The following VPS13B variants were observed in gnomAD, a reference collection of about 807,000 sequenced individuals.
VPS13B encodes vacuolar protein sorting 13 homolog B.
Under a neutral mutation model 426.4 loss-of-function variants are expected in VPS13B, and 285 were observed. The observed-to-expected ratio is 0.67, with a 90% CI of 0.61 to 0.74. VPS13B has a LOEUF of 0.74. Ranked by LOEUF, VPS13B falls within the 30% of genes least tolerant of loss-of-function variation. The pLI, the probability that VPS13B is intolerant of heterozygous loss-of-function variation, is 0.00. For missense variants in VPS13B, 4,537 were observed against 4,782.6 expected, an observed-to-expected ratio of 0.95 and a Z score of 1.51; for synonymous variants, 1,676 against 1,676.4, an observed-to-expected ratio of 1.00 and a Z score of 0.01.
At chr8:99,660,431 G>A (rs1247889278) in intron 34 of VPS13B, among the ~76,000 whole-genome samples, 1 of 151,996 alleles carries the variant, frequency 6.6e-6, no homozygotes, top group African/African-American at 2.4e-5. Context: ...ACTGAAAATG[G>A]AATAGATGGA....
At chr8:99,616,351 T>C (rs1271279759) in intron 33 of VPS13B, among the ~76,000 whole-genome samples, 1 of 152,030 alleles carries the variant, frequency 6.6e-6, no homozygotes, top group Non-Finnish European at 1.5e-5. Context: ...GTAATAGATG[T>C]ATAAAGAAAG....
intron 34 of VPS13B, among the ~76,000 whole-genome samples, chr8:99,643,834 G>A (rs1829468310): frequency 6.6e-6 from 1 of 152,140 alleles, no homozygotes; most frequent in Admixed American, 6.6e-5. Context: ...CATTTACTGG[G>A]TGCCTGTGAT....
chr8:99,102,927 T>G lies in VPS13B; in HGVS notation c.413-26T>G, dbSNP rs373427655. The G allele has an allele frequency of 4.5e-6, 7 of 1,563,962 alleles. No homozygotes were observed. The African/African-American group carries it at 9.5e-5, about 21-fold the overall frequency. ...TATTTACTGAGAGATTTGTGGCTAA[T>G]TAAATTCTTTTTTTCTATTTTATAG... is the stretch of plus-strand genomic sequence containing the variant. On this transcript the variant is annotated intron_variant, in intron 4 of 61. Transcript: ENST00000357162.
At chr8:99,453,213 G>A (rs1818283923) in intron 23 of VPS13B, among the ~76,000 whole-genome samples, 2 of 152,100 alleles carry the variant, frequency 1.3e-5, no homozygotes. Context: ...TCTATTTTAG[G>A]TTTTTTAAGT....
At chr8:99,845,834 T>G (rs754679532) in intron 54 of VPS13B, among the ~76,000 whole-genome samples, 17 of 152,140 alleles carry the variant, frequency 1.1e-4, no homozygotes, top group Non-Finnish European at 2.1e-4. Flanking sequence ...GATGGAGAGA[T>G]ATGTAAGTAA....
intron 44 of VPS13B, 109 bp downstream of exon 44, chr8:99,809,639 T>G: frequency 7.7e-7 from 1 of 1,300,466 alleles, no homozygotes. Context: ...CCTAGTTATA[T>G]CTACTACTAC....
chr8:99,738,235 CTAA>C (rs372092226), intron 39 of VPS13B, among the ~76,000 whole-genome samples: 221 of 152,344 alleles, frequency 1.5e-3, no homozygotes, highest in African/African-American at 4.9e-3. Flanking sequence ...TCAAAAATGA[CTAA>C]TGATTTCATT....
chr8:99,580,651 A>G (rs1438896644), intron 33 of VPS13B, among the ~76,000 whole-genome samples: 2 of 151,734 alleles, frequency 1.3e-5, no homozygotes, highest in East Asian at 3.9e-4. Flanking sequence ...GGAGTTCACA[A>G]TCAGCCTGGG....
intron 23 of VPS13B, among the ~76,000 whole-genome samples, chr8:99,458,746 G>A (rs150910198): frequency 0.01 from 1,596 of 152,198 alleles, 16 homozygotes; most frequent in Admixed American, 0.052. Context: ...CATATCCTTC[G>A]CCCACTTTTT....
intron 17 of VPS13B, among the ~76,000 whole-genome samples, chr8:99,201,011 T>A (rs571277375): frequency 4.6e-5 from 7 of 152,214 alleles, no homozygotes; most frequent in African/African-American, 1.7e-4. Flanking sequence ...TCATTTTTTT[T>A]AATATCACAG....
At chr8:99,515,731 C>T (rs2133650834) in intron 29 of VPS13B, among the ~76,000 whole-genome samples, 1 of 151,984 alleles carries the variant, frequency 6.6e-6, no homozygotes, top group South Asian at 2.1e-4. Flanking sequence ...AAAAGGATTG[C>T]TAGGTCAAAG....
At chr8:99,651,646 G>A (rs1259256246) in intron 34 of VPS13B, among the ~76,000 whole-genome samples, 6 of 152,052 alleles carry the variant, frequency 3.9e-5, no homozygotes, top group Admixed American at 1.3e-4. Context: ...TAGCATAATC[G>A]TATTAGTTGT....
rs1320029354 is a variant in VPS13B at position 99,274,964 on chromosome 8, A to T, written c.2651-117A>T. The T allele has an allele frequency of 3.3e-6, 3 of 898,420 alleles. No individual in the cohort carries two copies. The African/African-American group carries it at 5.1e-5, about 15-fold the overall frequency. The allele number at this position is 898,420 out of a possible 1,614,324, so 55.7% of individuals were successfully genotyped here. A position where few individuals can be genotyped will look rare whatever the true frequency, so the allele number is the denominator to read the frequency against. ...ACTCAGTATAATTAAATGTATAGCT[A>T]ATATTATCAAATAAAGTTGAAATGT... On this transcript the variant is annotated intron_variant, in intron 18 of 61. Coordinates refer to ENST00000357162, the MANE Select transcript of VPS13B (RefSeq NM_152564.5).
chr8:99,661,237 A>C (rs960996453), intron 34 of VPS13B, 117 bp from the exon 35 acceptor site: 39 of 1,274,262 alleles, frequency 3.1e-5, no homozygotes, highest in Non-Finnish European at 4.1e-5. Flanking sequence ...TGAAACAATG[A>C]AGCTTGCAAA....
chr8:99,059,094 G>A (rs1275829969), intron 3 of VPS13B, among the ~76,000 whole-genome samples: 1 of 152,146 alleles, frequency 6.6e-6, no homozygotes. Context: ...TGAATGCTAT[G>A]GATATAGTAG....
intron 3 of VPS13B, among the ~76,000 whole-genome samples, chr8:99,087,227 A>T (rs1028803352): frequency 6.6e-6 from 1 of 152,116 alleles, no homozygotes; most frequent in African/African-American, 2.4e-5. Flanking sequence ...GCAATCAGCG[A>T]GGCTCTGTGG....
At chr8:99,805,828 T>G (rs1037901869) in intron 43 of VPS13B, among the ~76,000 whole-genome samples, 5 of 152,044 alleles carry the variant, frequency 3.3e-5, no homozygotes, top group Admixed American at 6.6e-5. Context: ...CCCCCCACCG[T>G]GGAAAATATT....
At chr8:99,314,914 AAG>A (rs1199255579) in intron 19 of VPS13B, among the ~76,000 whole-genome samples, 1 of 152,012 alleles carries the variant, frequency 6.6e-6, no homozygotes, top group Non-Finnish European at 1.5e-5. Flanking sequence ...TTTTGACTTG[AAG>A]TCTTTTTTAT....
intron 35 of VPS13B, among the ~76,000 whole-genome samples, chr8:99,679,626 G>T (rs1250490883): frequency 6.6e-6 from 1 of 152,124 alleles, no homozygotes; most frequent in African/African-American, 2.4e-5. Context: ...CTTCCTCATA[G>T]CACATAAGAC....
Sources: allele counts gnomAD v4.1 joint callset (sites outside exome capture counted in the v4.1 genomes callset), GRCh38; gene constraint gnomAD v4.1.1; transcripts MANE v1.5; gene names NCBI Gene and HGNC (gene_info 2026-07-23, HGNC 2026-07-21).